The following FNIP1 variants were observed in gnomAD, a reference collection of about 807,000 sequenced individuals.
FNIP1 encodes folliculin interacting protein 1, also known as folliculin-interacting protein 1.
A neutral mutation model predicts 124.5 loss-of-function variants in FNIP1; 40 were observed. That is an observed-to-expected ratio of 0.32 (90% CI 0.25 to 0.42). The LOEUF is 0.42. FNIP1 is among the 10% of genes least tolerant of loss of function. The pLI, the probability that FNIP1 is intolerant of heterozygous loss-of-function variation, is 1.00. For synonymous variants in FNIP1, 472 were observed against 470.6 expected (o/e 1.00, Z -0.04); for missense variants, 1,176 against 1,403.7 (o/e 0.84, Z 2.59).
At chr5:131,739,138 C>T (rs890029856) in intron 2 of FNIP1, among the ~76,000 whole-genome samples, 5 of 152,094 alleles carry the variant, frequency 3.3e-5, no homozygotes, top group Admixed American at 3.3e-4. Flanking sequence ...TTCCACTCCA[C>T]AGATATATAG....
chr5:131,737,522 T>C (rs892538833), intron 2 of FNIP1, among the ~76,000 whole-genome samples: 3 of 152,156 alleles, frequency 2.0e-5, no homozygotes, highest in Admixed American at 1.3e-4. Context: ...TCTTAACGCA[T>C]TTTTCCCCCA....
At chr5:131,781,988 A>G (rs905282610) in intron 1 of FNIP1, among the ~76,000 whole-genome samples, 7 of 152,040 alleles carry the variant, frequency 4.6e-5, no homozygotes, top group Admixed American at 2.6e-4. Flanking sequence ...GCAAGACCTT[A>G]TGTAAAACCA....
At chr5:131,716,337 C>T (rs1002244141) in intron 6 of FNIP1, among the ~76,000 whole-genome samples, 2 of 152,142 alleles carry the variant, frequency 1.3e-5, no homozygotes. Flanking sequence ...GATATATCTA[C>T]AGCAGTACTC....
intron 6 of FNIP1, among the ~76,000 whole-genome samples, chr5:131,713,118 G>A (rs1261463913): frequency 1.3e-5 from 2 of 151,732 alleles, no homozygotes; most frequent in Non-Finnish European, 2.9e-5. Context: ...GCACGATCTT[G>A]GCTCACTGCA....
At chr5:131,713,293 G>A (rs905496473) in intron 6 of FNIP1, among the ~76,000 whole-genome samples, 7 of 151,912 alleles carry the variant, frequency 4.6e-5, no homozygotes, top group African/African-American at 9.7e-5. Flanking sequence ...TGATCTGCCC[G>A]CCTTGGCCTC....
chr5:131,732,620 G>A (rs561959507), intron 2 of FNIP1, among the ~76,000 whole-genome samples: 1 of 152,312 alleles, frequency 6.6e-6, no homozygotes, highest in South Asian at 2.1e-4. Context: ...TGTCAGGTTT[G>A]TCAAAGATCA....
chr5:131,710,628 A>G lies in FNIP1; in HGVS notation c.656T>C (p.Phe219Ser), dbSNP rs1305900340. ...CAGGCGGAGCGGACCCTGCTCAGAGAATGCCCGCCTGGGGCTGCAGAACTG... is the reference window on the plus strand; with the variant it reads ...CAGGCGGAGCGGACCCTGCTCAGAGGATGCCCGCCTGGGGCTGCAGAACTG... ...LSQFCSPRRA[F>S]SEQGPLRLIR... is the part of the protein sequence containing the mutation. Residue 219 changes from phenylalanine (F) to serine (S), a missense_variant, in exon 7 of 18, where the codon TTC (phenylalanine) becomes TCC (serine). Around this residue, in one of 2 missense-constraint regions of FNIP1, gnomAD observed 1,109 missense variants for 1,288.5 expected, o/e 0.86. Transcript: ENST00000510461. The G allele has an allele frequency of 1.9e-6, 3 of 1,613,954 alleles. No homozygotes were observed. Among genetic ancestry groups the G allele is most frequent in the Non-Finnish European group, 2.5e-6 (3 of 1,179,998 alleles).
chr5:131,739,833 A>AC (rs1295692468), intron 2 of FNIP1, among the ~76,000 whole-genome samples: 1 of 148,372 alleles, frequency 6.7e-6, no homozygotes, highest in East Asian at 1.9e-4. Flanking sequence ...AAAAAAAAAA[A>AC]AAAACACTGT....
At chr5:131,707,758 C>T (rs2149534829) in intron 8 of FNIP1, among the ~76,000 whole-genome samples, 1 of 151,744 alleles carries the variant, frequency 6.6e-6, no homozygotes, top group South Asian at 2.1e-4. Flanking sequence ...TAAAAATAAC[C>T]CTATTAGAAA....
intron 15 of FNIP1, among the ~76,000 whole-genome samples, chr5:131,657,587 A>G (rs1296279799): frequency 6.6e-6 from 1 of 152,078 alleles, no homozygotes; most frequent in Non-Finnish European, 1.5e-5. Context: ...CACGCCATAG[A>G]AGATGCCATT....
At position 131,762,502 on chromosome 5, in the gene FNIP1, CA is replaced by C. The variant is rs1266530040; in HGVS notation, c.93-17813del. ...GCAAACAGGTATATGAAAAGGTGCT[CA>C]ATACCACTGATCATCAGAGAAACGC... On this transcript the variant is annotated intron_variant, in intron 1 of 17. Transcript: ENST00000510461. Among the ~76,000 whole-genome samples, 3 of 152,122 alleles carry C rather than the reference CA, an allele frequency of 2.0e-5. No homozygotes were observed. The East Asian group carries it at 5.8e-4, about 29-fold the overall frequency.
chr5:131,770,061 A>T (rs931944651), intron 1 of FNIP1, among the ~76,000 whole-genome samples: 2 of 152,210 alleles, frequency 1.3e-5, no homozygotes, highest in African/African-American at 4.8e-5. Context: ...CATGCAGTAA[A>T]CAAGAAAACA....
chr5:131,697,612 T>C (rs1768745024), intron 11 of FNIP1, among the ~76,000 whole-genome samples: 1 of 152,056 alleles, frequency 6.6e-6, no homozygotes, highest in Admixed American at 6.6e-5. Flanking sequence ...TATATAAATT[T>C]GGCAAAATTG....
intron 1 of FNIP1, among the ~76,000 whole-genome samples, chr5:131,789,455 G>A (rs1772326722): frequency 6.6e-6 from 1 of 152,004 alleles, no homozygotes; most frequent in Non-Finnish European, 1.5e-5. Flanking sequence ...CATAAAATCA[G>A]AACACTGCAA....
At chr5:131,664,089 A>G (rs569736044) in intron 15 of FNIP1, among the ~76,000 whole-genome samples, 1 of 152,306 alleles carries the variant, frequency 6.6e-6, no homozygotes, top group South Asian at 2.1e-4. Context: ...GGTATAAGCA[A>G]GTTTGCTAAG....
intron 3 of FNIP1, among the ~76,000 whole-genome samples, chr5:131,728,134 T>G (rs1327440365): frequency 6.6e-6 from 1 of 152,210 alleles, no homozygotes; most frequent in Non-Finnish European, 1.5e-5. Flanking sequence ...TCAACCTTGG[T>G]GAATCTGACG....
At chr5:131,779,560 C>T (rs1340209269) in intron 1 of FNIP1, among the ~76,000 whole-genome samples, 3 of 150,672 alleles carry the variant, frequency 2.0e-5, no homozygotes, top group Admixed American at 1.3e-4. Flanking sequence ...TGGCGGCGTG[C>T]GCCTGTAGTC....
rs1770566962 is a variant in FNIP1 at position 131,743,202 on chromosome 5, A to G, written c.219+1362T>C. Among the ~76,000 whole-genome samples, 6 of 152,310 alleles carry G rather than the reference A, an allele frequency of 3.9e-5. No individual in the cohort carries two copies. In the South Asian group the frequency reaches 1.2e-3, roughly 32 times the overall value. On this transcript the variant is annotated intron_variant, in intron 2 of 17. Coordinates refer to ENST00000510461, the MANE Select transcript of FNIP1 (RefSeq NM_133372.3). ...TAAATTTTCAATTAAGGGAGATAGT[A>G]TATAGGATAAAGGCATAATAAAATA... is the stretch of plus-strand genomic sequence containing the variant.
intron 5 of FNIP1, among the ~76,000 whole-genome samples, chr5:131,717,880 T>C (rs943187575): frequency 6.6e-6 from 1 of 152,088 alleles, no homozygotes; most frequent in Non-Finnish European, 1.5e-5. Context: ...ATCCATAATA[T>C]TTTAAAGGAT....
Sources: allele counts gnomAD v4.1 joint callset (sites outside exome capture counted in the v4.1 genomes callset), GRCh38; gene constraint gnomAD v4.1.1; regional missense constraint gnomAD v4.1.1; transcripts MANE v1.5; gene names NCBI Gene and HGNC (gene_info 2026-07-23, HGNC 2026-07-21).